ATP6V1C1: variants seen among roughly 807,000 people sequenced by gnomAD.
ATP6V1C1 encodes ATPase H+ transporting V1 subunit C1, also known as V-type proton ATPase subunit C 1.
ATP6V1C1 carries 45 observed loss-of-function variants against 53.9 expected under a neutral mutation model. That is an observed-to-expected ratio of 0.83 (90% CI 0.66 to 1.07). The LOEUF (loss-of-function observed/expected upper bound fraction) is 1.07. Among genes scored for constraint, ATP6V1C1 ranks in the 50% least tolerant of loss-of-function variants. The probability of loss-of-function intolerance (pLI) is 0.00; values close to 1 mark genes in which losing one functional copy is unlikely to be tolerated. For missense variants in ATP6V1C1, 315 were observed against 440.3 expected (o/e 0.72, Z 2.55); for synonymous variants, 153 against 155.2 (o/e 0.99, Z 0.11).
At position 103,069,253 on chromosome 8, in the gene ATP6V1C1, A is replaced by T. The variant is rs1817546017; in HGVS notation, c.*506A>T. The T allele has an allele frequency of 6.6e-6, 1 of 152,272 alleles. No homozygotes were observed. Among genetic ancestry groups the T allele is most frequent in the Admixed American group, 6.5e-5 (1 of 15,282 alleles). 9.4% of individuals were successfully genotyped at this position (152,272 alleles called of 1,614,324 possible). On this transcript the variant is annotated 3_prime_UTR_variant, in exon 13 of 13. Coordinates refer to ENST00000518738, the MANE Select transcript of ATP6V1C1 (RefSeq NM_001695.5). ...ATCAATGAGCACTGTCAACACCCAC[A>T]GGAGAGAATAAAATTACCTGTGCAA...
chr8:103,069,529 A>C lies in ATP6V1C1; in HGVS notation c.*782A>C, dbSNP rs900800100. The C allele has an allele frequency of 6.6e-6, 1 of 152,258 alleles. No individual in the cohort carries two copies. Among genetic ancestry groups the C allele is most frequent in the Admixed American group, 6.5e-5 (1 of 15,284 alleles). The allele number at this position is 152,258 out of a possible 1,614,324, so 9.4% of individuals were successfully genotyped here. A position where few individuals can be genotyped will look rare whatever the true frequency, so the allele number is the denominator to read the frequency against. Reference sequence around the variant, plus strand: ...TTTTAGGTCTCTCAAATAATTAAGAATAGAGCCAGTTTTGAATAAAGTCTA... The same window carrying C: ...TTTTAGGTCTCTCAAATAATTAAGACTAGAGCCAGTTTTGAATAAAGTCTA... On this transcript the variant is annotated 3_prime_UTR_variant, in exon 13 of 13. Transcript: ENST00000518738.
intron 3 of ATP6V1C1, among the ~76,000 whole-genome samples, chr8:103,045,077 A>C (rs1038435738): frequency 2.0e-5 from 3 of 152,180 alleles, no homozygotes; most frequent in African/African-American, 4.8e-5. Context: ...TTTATTTTAG[A>C]GTTTAGATAC....
chr8:103,072,145 A>AC lies in ATP6V1C1; in HGVS notation c.*3400dup. On this transcript the variant is annotated 3_prime_UTR_variant, in exon 13 of 13. Coordinates refer to ENST00000518738, the MANE Select transcript of ATP6V1C1 (RefSeq NM_001695.5). Reference sequence around the variant, plus strand: ...TCGTGGAACAAAAGATATTTGTGGAACCAATCTTTGTGGAACATATTCCAG... The same window carrying AC: ...TCGTGGAACAAAAGATATTTGTGGAACCCAATCTTTGTGGAACATATTCCAG... The AC allele has an allele frequency of 6.6e-6, 1 of 152,290 alleles. No homozygotes were observed. Among genetic ancestry groups the AC allele is most frequent in the East Asian group, 1.9e-4 (1 of 5,188 alleles). 9.4% of individuals were successfully genotyped at this position (152,290 alleles called of 1,614,324 possible). A position where few individuals can be genotyped will look rare whatever the true frequency, so the allele number is the denominator to read the frequency against.
chr8:103,026,268 G>A (rs1816692265), intron 1 of ATP6V1C1, among the ~76,000 whole-genome samples: 1 of 152,220 alleles, frequency 6.6e-6, no homozygotes, highest in Non-Finnish European at 1.5e-5. Context: ...CAATGTCACA[G>A]TGTGTTTCCA....
chr8:103,029,937 T>G (rs1272028507), intron 1 of ATP6V1C1, among the ~76,000 whole-genome samples: 1 of 152,210 alleles, frequency 6.6e-6, no homozygotes, highest in Non-Finnish European at 1.5e-5. Flanking sequence ...TTTACTATGT[T>G]GGCCGTGGCT....
Position 103,027,719 on chromosome 8 carries a change from G to T in ATP6V1C1, c.-40+6494G>T, listed in dbSNP as rs987684630. 2.0e-5 allele frequency among the ~76,000 whole-genome samples: 3 copies of T among 147,794 alleles called. No individual in the cohort carries two copies. In the South Asian group the frequency reaches 6.3e-4, roughly 31 times the overall value. On this transcript the variant is annotated intron_variant, in intron 1 of 12. Transcript: ENST00000518738. The stretch of plus-strand genomic sequence containing the variant: ...TAATTGTTACTTTTTTTTTTAAGCA[G>T]CACACTTATTGCAGTCAGACAAAAT...
Position 103,040,966 on chromosome 8 carries a change from A to T in ATP6V1C1, c.130A>T (p.Lys44Ter), listed in dbSNP as rs147524410. Reference sequence around the variant, plus strand: ...TTCCAAGTTCAATATTCCTGACTTAAAGGTGAAGCTGCACTGTGCAAAATT... The same window carrying T: ...TTCCAAGTTCAATATTCCTGACTTATAGGTGAAGCTGCACTGTGCAAAATT... ...VTSKFNIPDL[K>*]VGTLDVLVGL... Residue 44 changes from lysine to a stop codon, truncating the protein, a stop_gained and splice_region_variant, in exon 2 of 13, where the codon AAG becomes TAG. Transcript: ENST00000518738. LOFTEE classifies it high-confidence loss of function. 1 of 1,613,988 alleles carries T rather than the reference A, an allele frequency of 6.2e-7. No homozygotes were observed. Among genetic ancestry groups the T allele is most frequent in the African/African-American group, 1.3e-5 (1 of 75,038 alleles).
At chr8:103,043,458 G>A (rs1331057824) in intron 3 of ATP6V1C1, among the ~76,000 whole-genome samples, 1 of 151,512 alleles carries the variant, frequency 6.6e-6, no homozygotes, top group Non-Finnish European at 1.5e-5. Flanking sequence ...GAGTAGCTGG[G>A]ATTACAGGCA....
intron 1 of ATP6V1C1, among the ~76,000 whole-genome samples, chr8:103,023,254 A>G (rs1816629579): frequency 6.7e-6 from 1 of 148,616 alleles, no homozygotes; most frequent in African/African-American, 2.5e-5. Flanking sequence ...TGAAGATTAC[A>G]GGCAGTGGAT....
chr8:103,039,029 T>A (rs922696319), intron 1 of ATP6V1C1, among the ~76,000 whole-genome samples: 4 of 152,244 alleles, frequency 2.6e-5, no homozygotes, highest in Admixed American at 1.3e-4. Flanking sequence ...ATCAGTAATG[T>A]TAGAAAAGTC....
At position 103,048,874 on chromosome 8, in the gene ATP6V1C1, G is replaced by C; in HGVS notation, c.205G>C (p.Val69Leu). ...AKLDAFVEGV[V>L]KKVAQYMADV... ...TTGATATTTTTTCTTCCCCAGAGTG[G>C]TTAAGAAAGTAGCTCAATACATGGC... The change falls in exon 4 of 13, where the codon GTT (valine) becomes CTT (leucine). Residue 69 changes from valine (V) to leucine (L), a missense_variant. Coordinates refer to ENST00000518738, the MANE Select transcript of ATP6V1C1 (RefSeq NM_001695.5). 6.2e-7 allele frequency: 1 copy of C among 1,612,640 alleles called. No individual in the cohort carries two copies. Among genetic ancestry groups the C allele is most frequent in the Non-Finnish European group, 8.5e-7 (1 of 1,179,348 alleles).
At chr8:103,026,451 A>G (rs1268616844) in intron 1 of ATP6V1C1, among the ~76,000 whole-genome samples, 7 of 152,244 alleles carry the variant, frequency 4.6e-5, no homozygotes, top group Non-Finnish European at 1.0e-4. Flanking sequence ...TAATAGGATT[A>G]TAGAGCATTT....
In ATP6V1C1 at chr8:103,070,860, T is replaced by G. The variant is rs1028618047; in HGVS notation, c.*2113T>G. ...GTCCTGGGCAGAGTGGTCTCCGAGT[T>G]CCAGTCCCTCCTCTGTAAAATGGGC... On this transcript the variant is annotated 3_prime_UTR_variant, in exon 13 of 13. Transcript: ENST00000518738. The G allele has an allele frequency of 1.3e-5, 2 of 152,262 alleles. No homozygotes were observed. The highest frequency in any genetic ancestry group is 4.8e-5 in the African/African-American group (2 of 41,450). 9.4% of individuals were successfully genotyped at this position (152,262 alleles called of 1,614,324 possible).
rs1469546661 is a variant in ATP6V1C1, at chr8:103,072,427, C to A, written c.*3680C>A. ...AGAACAGCTTATAATGAAAACCTTG[C>A]CTGCCTTTATAAAAAATGTGATTAT... On this transcript the variant is annotated 3_prime_UTR_variant, in exon 13 of 13. Coordinates refer to ENST00000518738, the MANE Select transcript of ATP6V1C1 (RefSeq NM_001695.5). 1 of 152,114 alleles carries A rather than the reference C, an allele frequency of 6.6e-6. No homozygotes were observed. The highest frequency in any genetic ancestry group is 1.5e-5 in the Non-Finnish European group (1 of 68,010). 9.4% of individuals were successfully genotyped at this position (152,114 alleles called of 1,614,324 possible).
At chr8:103,062,875 A>T (rs1459295839) in intron 8 of ATP6V1C1, 80 bp from the exon 9 acceptor site, 2 of 1,243,254 alleles carry the variant, frequency 1.6e-6, no homozygotes, top group African/African-American at 3.0e-5. Flanking sequence ...TTTCTCTTCC[A>T]CCTGTTTCTG....
At chr8:103,062,161 GTTTTTTTTTTTTTTT>G (rs767825523) in intron 8 of ATP6V1C1, among the ~76,000 whole-genome samples, 116 of 70,790 alleles carry the variant, frequency 1.6e-3, no homozygotes, top group African/African-American at 6.5e-3. Context: ...GTTCATCAGG[GTTTTTTTTTTTTTTT>G]TTTTTTTTTT....
chr8:103,029,738 A>ATTT (rs1011441730), intron 1 of ATP6V1C1, among the ~76,000 whole-genome samples: 1 of 143,880 alleles, frequency 7.0e-6, no homozygotes, highest in Non-Finnish European at 1.5e-5. Flanking sequence ...TTTAAAAAAA[A>ATTT]TTTTTTTTTT....
rs1306641066 is a variant in ATP6V1C1 at position 103,069,785 on chromosome 8, A to C, written c.*1038A>C. ...TCTTACTACGTACTCACAGGTTTGC[A>C]AATGGGAAAAAAGTTTACATTTCAG... On this transcript the variant is annotated 3_prime_UTR_variant, in exon 13 of 13. Coordinates refer to ENST00000518738, the MANE Select transcript of ATP6V1C1 (RefSeq NM_001695.5). 6.6e-6 allele frequency: 1 copy of C among 152,188 alleles called. No homozygotes were observed. The highest frequency in any genetic ancestry group is 1.9e-4 in the East Asian group (1 of 5,194). The allele number at this position is 152,188 out of a possible 1,614,324, so 9.4% of individuals were successfully genotyped here.
intron 1 of ATP6V1C1, among the ~76,000 whole-genome samples, chr8:103,022,194 G>A (rs1362850610): frequency 6.6e-6 from 1 of 152,198 alleles, no homozygotes; most frequent in African/African-American, 2.4e-5. Context: ...AAGAAAACTT[G>A]AGTCTTGGCA....
Sources: gnomAD v4.1 joint callset for allele counts (sites outside exome capture counted in the v4.1 genomes callset) on GRCh38, gnomAD v4.1.1 for gene constraint, MANE v1.5 for transcripts, NCBI Gene and HGNC (gene_info 2026-07-23, HGNC 2026-07-21) for gene names.